The following FHIT variants were observed in gnomAD, a reference collection of about 807,000 sequenced individuals.
FHIT encodes the protein fragile histidine triad diadenosine triphosphatase, also known as bis(5'-adenosyl)-triphosphatase.
FHIT carries 19 observed loss-of-function variants against 17.9 expected under a neutral mutation model. The ratio of observed to expected loss-of-function variants is 1.06; its 90% confidence interval spans 0.74 to 1.56. FHIT has a LOEUF of 1.56. Ranked by LOEUF, FHIT falls within the 40% of genes most tolerant of loss-of-function variation. The probability of loss-of-function intolerance (pLI) is 0.00; values close to 1 mark genes in which losing one functional copy is unlikely to be tolerated. For synonymous variants in FHIT, 81 were observed against 69.7 expected, an observed-to-expected ratio of 1.16 and a Z score of -0.81; for missense variants, 248 against 189.2, an observed-to-expected ratio of 1.31 and a Z score of -1.82.
intron 7 of FHIT, among the ~76,000 whole-genome samples, chr3:60,000,339 A>G (rs1699680097): frequency 6.6e-6 from 1 of 152,232 alleles, no homozygotes; most frequent in Non-Finnish European, 1.5e-5. Context: ...TGCTTTTACA[A>G]ATAAAGTTTT....
intron 5 of FHIT, among the ~76,000 whole-genome samples, chr3:60,373,440 C>T (rs961677499): frequency 6.6e-5 from 10 of 152,090 alleles, no homozygotes; most frequent in African/African-American, 1.9e-4. Flanking sequence ...GAGCAAGGCA[C>T]GATAGTGTGA....
intron 5 of FHIT, among the ~76,000 whole-genome samples, chr3:60,436,590 G>C (rs1344323169): frequency 6.6e-6 from 1 of 151,938 alleles, no homozygotes. Context: ...TGATATTTCA[G>C]CAGATGTGTA....
intron 8 of FHIT, among the ~76,000 whole-genome samples, chr3:59,842,287 T>C (rs907566398): frequency 1.3e-5 from 2 of 152,230 alleles, no homozygotes; most frequent in Non-Finnish European, 2.9e-5. Flanking sequence ...ATATAACACA[T>C]TTGATTTATT....
intron 5 of FHIT, among the ~76,000 whole-genome samples, chr3:60,041,455 G>A (rs1701436704): frequency 6.6e-6 from 1 of 152,160 alleles, no homozygotes; most frequent in Non-Finnish European, 1.5e-5. Context: ...TTACCGCCAA[G>A]GTTGGAATGA....
intron 4 of FHIT, among the ~76,000 whole-genome samples, chr3:60,545,067 C>A (rs1020526670): frequency 7.0e-5 from 10 of 143,026 alleles, no homozygotes; most frequent in African/African-American, 2.1e-4. Context: ...TTTTGACAAT[C>A]ATTACAATTT....
chr3:59,812,171 C>G (rs1700430386), intron 8 of FHIT, among the ~76,000 whole-genome samples: 1 of 152,128 alleles, frequency 6.6e-6, no homozygotes, highest in African/African-American at 2.4e-5. Context: ...CAGCCATGCA[C>G]ACGACAGTCA....
At chr3:59,899,283 A>G (rs1230159708) in intron 8 of FHIT, among the ~76,000 whole-genome samples, 4 of 152,216 alleles carry the variant, frequency 2.6e-5, no homozygotes, top group African/African-American at 9.6e-5. Flanking sequence ...ACAAATGGAA[A>G]ATGATCTCAT....
chr3:60,658,527 G>A (rs1486024942), intron 4 of FHIT, among the ~76,000 whole-genome samples: 6 of 151,946 alleles, frequency 3.9e-5, no homozygotes, highest in African/African-American at 1.5e-4. Context: ...AATTATACCA[G>A]CTTAACTTTA....
intron 5 of FHIT, among the ~76,000 whole-genome samples, chr3:60,520,212 T>C (rs1286086838): frequency 6.6e-6 from 1 of 152,166 alleles, no homozygotes; most frequent in East Asian, 1.9e-4. Flanking sequence ...TGACATACAT[T>C]TATTCTTTTT....
At chr3:60,040,949 C>T (rs1016980386) in intron 5 of FHIT, among the ~76,000 whole-genome samples, 2 of 152,034 alleles carry the variant, frequency 1.3e-5, no homozygotes, top group Non-Finnish European at 2.9e-5. Flanking sequence ...TAGGACCTCA[C>T]AATAGCAAAC....
At chr3:59,878,134 A>G (rs1016748486) in intron 8 of FHIT, among the ~76,000 whole-genome samples, 1 of 152,174 alleles carries the variant, frequency 6.6e-6, no homozygotes, top group African/African-American at 2.4e-5. Flanking sequence ...TTTAAAAACT[A>G]GTATAATAAA....
At chr3:60,423,578 C>T (rs1702555845) in intron 5 of FHIT, among the ~76,000 whole-genome samples, 1 of 152,000 alleles carries the variant, frequency 6.6e-6, no homozygotes, top group Non-Finnish European at 1.5e-5. Flanking sequence ...GTAATGTTTC[C>T]CCTAATAATT....
intron 4 of FHIT, among the ~76,000 whole-genome samples, chr3:60,625,001 C>G (rs955524619): frequency 1.1e-4 from 16 of 152,094 alleles, no homozygotes; most frequent in African/African-American, 3.9e-4. Flanking sequence ...CTCCGCCTCT[C>G]AGGCTCAAGC....
intron 5 of FHIT, among the ~76,000 whole-genome samples, chr3:60,257,025 T>A (rs541494333): frequency 6.6e-6 from 1 of 152,334 alleles, no homozygotes; most frequent in South Asian, 2.1e-4. Context: ...CAGGTTTACT[T>A]TGACCTCCTT....
At chr3:59,758,439 C>T (rs1213016664) in intron 8 of FHIT, among the ~76,000 whole-genome samples, 1 of 152,180 alleles carries the variant, frequency 6.6e-6, no homozygotes, top group Non-Finnish European at 1.5e-5. Context: ...GCACGCACAA[C>T]AGGGGTCTAA....
intron 8 of FHIT, among the ~76,000 whole-genome samples, chr3:59,768,388 T>G (rs1559587947): frequency 6.6e-6 from 1 of 152,128 alleles, no homozygotes; most frequent in Non-Finnish European, 1.5e-5. Context: ...GGAGTTATTC[T>G]TTAAACAACT....
At chr3:60,240,037 C>CA (rs924382190) in intron 5 of FHIT, among the ~76,000 whole-genome samples, 3 of 152,088 alleles carry the variant, frequency 2.0e-5, no homozygotes, top group Non-Finnish European at 4.4e-5. Context: ...TAAAACAACA[C>CA]AAAAAACTGT....
intron 2 of FHIT, among the ~76,000 whole-genome samples, chr3:61,044,672 C>T (rs1461253455): frequency 3.3e-5 from 5 of 152,136 alleles, no homozygotes; most frequent in Non-Finnish European, 2.9e-5. Context: ...ATCCAAGACA[C>T]ATAATTGTCA....
At chr3:59,908,862 T>A (rs1427084111) in intron 8 of FHIT, among the ~76,000 whole-genome samples, 2 of 151,568 alleles carry the variant, frequency 1.3e-5, no homozygotes, top group Admixed American at 1.3e-4. Context: ...ATAGTCCAAC[T>A]GGTGACTGTG....
Sources: gnomAD v4.1 joint callset for allele counts (sites outside exome capture counted in the v4.1 genomes callset) on GRCh38, gnomAD v4.1.1 for gene constraint, MANE v1.5 for transcripts, NCBI Gene and HGNC (gene_info 2026-07-23, HGNC 2026-07-21) for gene names.